Variants in IMMP2L observed in about 807,000 individuals in gnomAD.
The protein encoded by IMMP2L is mitochondrial inner membrane protease subunit 2.
Under a neutral mutation model 19.3 loss-of-function variants are expected in IMMP2L, and 18 were observed. The observed-to-expected ratio is 0.93, with a 90% CI of 0.64 to 1.38. The LOEUF (loss-of-function observed/expected upper bound fraction) is 1.38, where lower values mean the gene tolerates loss of function less well. IMMP2L is among the 40% of genes most tolerant of loss of function. The probability of loss-of-function intolerance (pLI) is 0.00; values close to 1 mark genes in which losing one functional copy is unlikely to be tolerated. For missense variants in IMMP2L, 233 were observed against 218.2 expected, an observed-to-expected ratio of 1.07 and a Z score of -0.43; for synonymous variants, 76 against 73.0, an observed-to-expected ratio of 1.04 and a Z score of -0.21.
At position 111,396,361 on chromosome 7, in the gene IMMP2L, C is replaced by T. The variant is rs146554066; in HGVS notation, c.239+90877G>A. Among the ~76,000 whole-genome samples the T allele has an allele frequency of 9.6e-4, 146 of 152,142 alleles. 2 individuals carry two copies. The East Asian group carries it at 0.025, about 26-fold the overall frequency. On this transcript the variant is annotated intron_variant, in intron 3 of 5. Transcript: ENST00000405709. Reference sequence around the variant, plus strand: ...AATAAGTTCATGTCCTTTGCAGGGACATGGATAAAGCTGGAAGCCATCATT... The same window carrying T: ...AATAAGTTCATGTCCTTTGCAGGGATATGGATAAAGCTGGAAGCCATCATT...
intron 3 of IMMP2L, among the ~76,000 whole-genome samples, chr7:111,085,945 A>G (rs766165012): frequency 1.3e-5 from 2 of 152,162 alleles, no homozygotes; most frequent in Non-Finnish European, 1.5e-5. Flanking sequence ...ATGAAAAATC[A>G]ACAGCCACTG....
At chr7:111,023,995 T>C (rs1826558444) in intron 3 of IMMP2L, among the ~76,000 whole-genome samples, 1 of 152,150 alleles carries the variant, frequency 6.6e-6, no homozygotes, top group Non-Finnish European at 1.5e-5. Flanking sequence ...AAGCAAACTA[T>C]TATCAGTAAT....
chr7:110,776,859 C>A (rs185203328), intron 5 of IMMP2L, among the ~76,000 whole-genome samples: 1 of 151,914 alleles, frequency 6.6e-6, no homozygotes, highest in Non-Finnish European at 1.5e-5. Context: ...CCCACTGTAT[C>A]TGGTATTGTG....
intron 3 of IMMP2L, among the ~76,000 whole-genome samples, chr7:111,485,351 G>A (rs569802888): frequency 3.9e-4 from 60 of 152,046 alleles, no homozygotes; most frequent in Non-Finnish European, 1.5e-5. Context: ...TGTAATCCCA[G>A]CACTTTGGGA....
chr7:111,504,121 A>C (rs1303228675), intron 2 of IMMP2L, among the ~76,000 whole-genome samples: 1 of 152,180 alleles, frequency 6.6e-6, no homozygotes, highest in East Asian at 1.9e-4. Context: ...ACTTCAGCAA[A>C]GTCTCAGGAT....
intron 2 of IMMP2L, among the ~76,000 whole-genome samples, chr7:111,504,768 T>C (rs1193735894): frequency 1.3e-5 from 2 of 152,180 alleles, no homozygotes; most frequent in African/African-American, 2.4e-5. Flanking sequence ...TGGCTAGCCA[T>C]GTGTAGAAAG....
chr7:111,318,663 G>C (rs751710687), intron 3 of IMMP2L, among the ~76,000 whole-genome samples: 27 of 152,122 alleles, frequency 1.8e-4, no homozygotes, highest in Admixed American at 5.2e-4. Context: ...TATCCTAGAA[G>C]ACAGCACTTT....
intron 3 of IMMP2L, among the ~76,000 whole-genome samples, chr7:111,275,264 G>A (rs1238615992): frequency 6.6e-6 from 1 of 152,082 alleles, no homozygotes; most frequent in African/African-American, 2.4e-5. Context: ...TGGCCCAAAT[G>A]CTTCTCTACA....
At chr7:110,840,074 T>C (rs1042258917) in intron 5 of IMMP2L, among the ~76,000 whole-genome samples, 6 of 152,140 alleles carry the variant, frequency 3.9e-5, no homozygotes, top group African/African-American at 1.4e-4. Flanking sequence ...ATTCCCTTTC[T>C]GTTGGGCTAC....
At chr7:111,146,263 AAGGG>A (rs142428322) in intron 3 of IMMP2L, among the ~76,000 whole-genome samples, 4 of 138,272 alleles carry the variant, frequency 2.9e-5, no homozygotes, top group African/African-American at 7.9e-5. Context: ...GAAAGGGAGG[AAGGG>A]AGGGAGGGAG....
intron 3 of IMMP2L, among the ~76,000 whole-genome samples, chr7:111,006,525 G>A (rs577952966): frequency 6.6e-6 from 1 of 152,222 alleles, no homozygotes; most frequent in South Asian, 2.1e-4. Flanking sequence ...CATCTATTAA[G>A]CTCAAATCTT....
chr7:111,495,558 G>C (rs1006990455), intron 2 of IMMP2L, among the ~76,000 whole-genome samples: 4 of 152,012 alleles, frequency 2.6e-5, no homozygotes, highest in Non-Finnish European at 5.9e-5. Flanking sequence ...TAAATCCTCA[G>C]CTTGTGTCTA....
chr7:110,895,410 T>C (rs1811225033), intron 4 of IMMP2L, among the ~76,000 whole-genome samples: 1 of 152,206 alleles, frequency 6.6e-6, no homozygotes, highest in Non-Finnish European at 1.5e-5. Context: ...AGCAATATCA[T>C]ACTGCCATGA....
intron 3 of IMMP2L, among the ~76,000 whole-genome samples, chr7:111,327,956 A>G (rs1306003013): frequency 6.6e-6 from 1 of 151,820 alleles, no homozygotes; most frequent in African/African-American, 2.4e-5. Context: ...TAGTAGATAT[A>G]TAATATATAA....
intron 5 of IMMP2L, among the ~76,000 whole-genome samples, chr7:110,754,434 G>C (rs1016565354): frequency 1.3e-5 from 2 of 151,998 alleles, no homozygotes; most frequent in African/African-American, 4.8e-5. Context: ...GTAGAAATCT[G>C]TCAGCTTTAC....
chr7:111,269,750 G>A (rs1818245645), intron 3 of IMMP2L, among the ~76,000 whole-genome samples: 2 of 151,970 alleles, frequency 1.3e-5, no homozygotes, highest in African/African-American at 4.8e-5. Flanking sequence ...TTAAGCCCCA[G>A]TATCCTATCT....
intron 5 of IMMP2L, among the ~76,000 whole-genome samples, chr7:110,763,940 T>C (rs1023791489): frequency 6.6e-6 from 1 of 152,190 alleles, no homozygotes; most frequent in Non-Finnish European, 1.5e-5. Context: ...CCTTTCTTTA[T>C]AGATAGCAGG....
At chr7:110,970,264 T>C (rs993214814) in intron 3 of IMMP2L, among the ~76,000 whole-genome samples, 5 of 152,136 alleles carry the variant, frequency 3.3e-5, no homozygotes, top group East Asian at 1.9e-4. Flanking sequence ...TAACAATAAA[T>C]TAATTTCCAA....
At chr7:111,396,838 A>G (rs1229539540) in intron 3 of IMMP2L, among the ~76,000 whole-genome samples, 1 of 152,062 alleles carries the variant, frequency 6.6e-6, no homozygotes, top group African/African-American at 2.4e-5. Context: ...TAATCCCAGC[A>G]CTTTGGGAGG....
Sources: gnomAD v4.1 joint callset for allele counts (sites outside exome capture counted in the v4.1 genomes callset) on GRCh38, gnomAD v4.1.1 for gene constraint, MANE v1.5 for transcripts, NCBI Gene and HGNC (gene_info 2026-07-23, HGNC 2026-07-21) for gene names.